The following ACER2 variants were observed in gnomAD, a reference collection of about 807,000 sequenced individuals.
ACER2 encodes alkaline ceramidase 2, also known as alkCDase 2.
ACER2 carries 26 observed loss-of-function variants against 34.7 expected under a neutral mutation model. The ratio of observed to expected loss-of-function variants is 0.75; its 90% CI spans 0.55 to 1.04. The LOEUF is 1.04. Ranked by LOEUF, ACER2 falls within the 50% of genes least tolerant of loss-of-function variation. The pLI is 0.00. For missense variants in ACER2, 352 were observed against 340.8 expected, an observed-to-expected ratio of 1.03 and a Z score of -0.26; for synonymous variants, 138 against 132.1, an observed-to-expected ratio of 1.04 and a Z score of -0.31.
At chr9:19,445,225 G>A (rs1194732071) in intron 4 of ACER2, among the ~76,000 whole-genome samples, 3 of 152,216 alleles carry the variant, frequency 2.0e-5, no homozygotes, top group Non-Finnish European at 4.4e-5. Flanking sequence ...AAAGAAGACG[G>A]CAATTGAAAT....
At chr9:19,437,651 A>G (rs540969126) in intron 4 of ACER2, among the ~76,000 whole-genome samples, 8 of 152,052 alleles carry the variant, frequency 5.3e-5, no homozygotes, top group Middle Eastern at 3.4e-3. Context: ...TGACCAACCA[A>G]TTTGGACCAC....
chr9:19,434,509 G>T (rs1370800320), intron 3 of ACER2, among the ~76,000 whole-genome samples: 1 of 152,260 alleles, frequency 6.6e-6, no homozygotes, highest in Non-Finnish European at 1.5e-5. Context: ...ACCAGACTCC[G>T]TCTGCAATCC....
intron 5 of ACER2, among the ~76,000 whole-genome samples, chr9:19,449,613 G>A (rs1439781561): frequency 6.6e-6 from 1 of 152,160 alleles, no homozygotes; most frequent in Non-Finnish European, 1.5e-5. Flanking sequence ...GCTGGGCGCA[G>A]TGGCTTACGA....
intron 3 of ACER2, among the ~76,000 whole-genome samples, chr9:19,434,422 A>G (rs1476478479): frequency 3.3e-5 from 5 of 152,186 alleles, no homozygotes; most frequent in East Asian, 1.9e-4. Flanking sequence ...CAAGGCAGGC[A>G]GCTGGGAGGT....
chr9:19,417,689 C>T (rs1370122076), intron 1 of ACER2, among the ~76,000 whole-genome samples: 3 of 152,116 alleles, frequency 2.0e-5, no homozygotes, highest in African/African-American at 7.2e-5. Flanking sequence ...CTTCCTTACA[C>T]CTTATACAAA....
chr9:19,435,926 G>C (rs1830951066), intron 4 of ACER2, among the ~76,000 whole-genome samples: 1 of 152,102 alleles, frequency 6.6e-6, no homozygotes, highest in African/African-American at 2.4e-5. Flanking sequence ...GCGGGCGCCT[G>C]TAGTCCCAGC....
chr9:19,428,403 G>C (rs1258350300), intron 3 of ACER2, among the ~76,000 whole-genome samples: 1 of 151,072 alleles, frequency 6.6e-6, no homozygotes, highest in African/African-American at 2.4e-5. Flanking sequence ...CCTCACCTCA[G>C]GTGATCTGCC....
chr9:19,432,995 G>A (rs74833995), intron 3 of ACER2, among the ~76,000 whole-genome samples: 5 of 151,698 alleles, frequency 3.3e-5, no homozygotes, highest in Non-Finnish European at 5.9e-5. Flanking sequence ...CGGAAAAATC[G>A]CACGAAGAAA....
chr9:19,413,977 G>C (rs1308869122), intron 1 of ACER2, among the ~76,000 whole-genome samples: 1 of 152,162 alleles, frequency 6.6e-6, no homozygotes, highest in Non-Finnish European at 1.5e-5. Flanking sequence ...ATAGTCATAT[G>C]GGTGGTGAGG....
chr9:19,446,589 A>C, intron 5 of ACER2, 171 bp downstream of exon 5: 1 of 985,386 alleles, frequency 1.0e-6, no homozygotes, highest in Non-Finnish European at 1.2e-6. Flanking sequence ...ACTTTGTAAA[A>C]AGCTGAATTG....
intron 3 of ACER2, among the ~76,000 whole-genome samples, chr9:19,425,589 A>G (rs1019109040): frequency 6.6e-6 from 1 of 152,248 alleles, no homozygotes; most frequent in Admixed American, 6.5e-5. Context: ...CAAGTAAATA[A>G]TATAATATTA....
At chr9:19,437,775 A>C (rs1831022793) in intron 4 of ACER2, among the ~76,000 whole-genome samples, 1 of 152,130 alleles carries the variant, frequency 6.6e-6, no homozygotes, top group African/African-American at 2.4e-5. Context: ...CATCCTAGAC[A>C]CCTGCTCCTT....
intron 3 of ACER2, among the ~76,000 whole-genome samples, chr9:19,432,573 T>G (rs1830790509): frequency 6.6e-6 from 1 of 150,558 alleles, no homozygotes; most frequent in African/African-American, 2.4e-5. Context: ...TGGGTGTATG[T>G]GTGTGTATAT....
rs1336027086 is a variant in ACER2 at position 19,450,523 on chromosome 9, C to G, written c.715C>G (p.Pro239Ala). Reference sequence around the variant, plus strand: ...CTACTTTGATGCTGCCTCAGAGATTCCTGAGCAAGGCCCTGTCATCAAGTT... The same window carrying G: ...CTACTTTGATGCTGCCTCAGAGATTGCTGAGCAAGGCCCTGTCATCAAGTT... ...FAYFDAASEI[P>A]EQGPVIKFWP... Residue 239 changes from proline to alanine, a missense_variant, in exon 6 of 6, where the codon CCT becomes GCT. Physicochemically the swap from Pro to Ala is conservative, Grantham distance 27. Transcript: ENST00000340967. 2.5e-6 allele frequency: 4 copies of G among 1,612,334 alleles called. No individual in the cohort carries two copies. The highest frequency in any genetic ancestry group is 3.4e-6 in the Non-Finnish European group (4 of 1,178,704).
At chr9:19,433,380 C>A (rs1414202900) in intron 3 of ACER2, among the ~76,000 whole-genome samples, 3 of 151,858 alleles carry the variant, frequency 2.0e-5, no homozygotes, top group Non-Finnish European at 4.4e-5. Flanking sequence ...TGCCTTCAAG[C>A]ATCTGTTTAA....
chr9:19,410,993 C>T lies in ACER2; in HGVS notation c.108+1801C>T, dbSNP rs568581350. 1.4e-4 allele frequency among the ~76,000 whole-genome samples: 22 copies of T among 152,288 alleles called. No homozygotes were observed. The South Asian group carries it at 4.3e-3, about 30-fold the overall frequency. On this transcript the variant is annotated intron_variant, in intron 1 of 5. Transcript: ENST00000340967. ...ACACTTAGCAAGATTATTCTCTGTG[C>T]AGCCTGGGGTCTACAGAGAGGGTCA...
intron 1 of ACER2, among the ~76,000 whole-genome samples, chr9:19,420,093 G>A (rs1472572812): frequency 6.6e-6 from 1 of 152,184 alleles, no homozygotes; most frequent in Non-Finnish European, 1.5e-5. Flanking sequence ...ATTCTATTTA[G>A]TTGTGTACCA....
intron 4 of ACER2, among the ~76,000 whole-genome samples, chr9:19,442,556 A>G (rs1014913370): frequency 6.6e-6 from 1 of 152,130 alleles, no homozygotes; most frequent in Non-Finnish European, 1.5e-5. Context: ...CTGTCCTGGC[A>G]CTTACAGTGA....
At chr9:19,442,980 A>T (rs1831208021) in intron 4 of ACER2, among the ~76,000 whole-genome samples, 1 of 147,430 alleles carries the variant, frequency 6.8e-6, no homozygotes, top group Non-Finnish European at 1.5e-5. Flanking sequence ...CTACAGATGC[A>T]TGCCATCATG....
Sources: gnomAD v4.1 joint callset for allele counts (sites outside exome capture counted in the v4.1 genomes callset) on GRCh38, gnomAD v4.1.1 for gene constraint, MANE v1.5 for transcripts, NCBI Gene and HGNC (gene_info 2026-07-23, HGNC 2026-07-21) for gene names.